The following MPP7 variants were observed in gnomAD, a reference collection of about 807,000 sequenced individuals.
MPP7 encodes MAGUK p55 scaffold protein 7.
MPP7 carries 60 observed loss-of-function variants against 76.5 expected under a neutral mutation model. That is an observed-to-expected ratio of 0.78 (90% confidence interval 0.64 to 0.97). The LOEUF (loss-of-function observed/expected upper bound fraction) is 0.97, where lower values mean the gene tolerates loss of function less well. Among genes scored for constraint, MPP7 ranks in the 50% least tolerant of loss-of-function variants. The pLI is 0.00. For missense variants in MPP7, 641 were observed against 694.0 expected, an observed-to-expected ratio of 0.92 and a Z score of 0.86; for synonymous variants, 237 against 244.5, an observed-to-expected ratio of 0.97 and a Z score of 0.29.
intron 12 of MPP7, among the ~76,000 whole-genome samples, chr10:28,071,058 G>A (rs1026828134): frequency 2.0e-5 from 3 of 152,138 alleles, no homozygotes; most frequent in African/African-American, 7.2e-5. Context: ...GCAAAGCCAG[G>A]GGCGTAATTA....
At chr10:28,142,889 A>G (rs1478280227) in intron 5 of MPP7, among the ~76,000 whole-genome samples, 1 of 152,200 alleles carries the variant, frequency 6.6e-6, no homozygotes, top group Non-Finnish European at 1.5e-5. Flanking sequence ...AAACTGTAAA[A>G]TGTACAAACA....
intron 1 of MPP7, among the ~76,000 whole-genome samples, chr10:28,284,996 T>C (rs2133109901): frequency 6.6e-6 from 1 of 152,344 alleles, no homozygotes; most frequent in Admixed American, 6.5e-5. Context: ...TTTCTATTAA[T>C]AGTTTCCTTT....
At chr10:28,244,633 A>T (rs1217577893) in intron 1 of MPP7, among the ~76,000 whole-genome samples, 1 of 152,228 alleles carries the variant, frequency 6.6e-6, no homozygotes, top group Non-Finnish European at 1.5e-5. Flanking sequence ...AGCAACAGAA[A>T]AGAAGAATCC....
At chr10:28,088,920 G>A (rs1853150848) in intron 12 of MPP7, among the ~76,000 whole-genome samples, 1 of 152,128 alleles carries the variant, frequency 6.6e-6, no homozygotes, top group African/African-American at 2.4e-5. Flanking sequence ...CTGTCACCCA[G>A]GCTGGAGTGC....
At chr10:28,076,253 T>C (rs1240350909) in intron 12 of MPP7, among the ~76,000 whole-genome samples, 1 of 152,142 alleles carries the variant, frequency 6.6e-6, no homozygotes, top group Non-Finnish European at 1.5e-5. Context: ...CCATTGTGAA[T>C]GTATTCACAT....
chr10:28,085,848 G>A (rs767544313), intron 12 of MPP7, among the ~76,000 whole-genome samples: 5 of 152,076 alleles, frequency 3.3e-5, no homozygotes, highest in Non-Finnish European at 7.4e-5. Context: ...GGATTCTGCT[G>A]GGAATTAAAA....
At chr10:28,211,483 T>C (rs10826424) in intron 2 of MPP7, among the ~76,000 whole-genome samples, 27,224 of 151,806 alleles carry the variant, frequency 0.18, 3,035 homozygotes, top group East Asian at 0.56. Flanking sequence ...AGAGAATTAC[T>C]GTAAAACTAA....
chr10:28,239,334 C>T (rs907686279), intron 1 of MPP7, among the ~76,000 whole-genome samples: 34 of 151,026 alleles, frequency 2.3e-4, no homozygotes, highest in Admixed American at 1.8e-3. Flanking sequence ...TTAATAGAGA[C>T]GGGGGTTTCA....
chr10:28,302,070 T>G (rs570633557), intron 1 of MPP7, among the ~76,000 whole-genome samples: 66 of 152,258 alleles, frequency 4.3e-4, no homozygotes, highest in African/African-American at 1.5e-3. Flanking sequence ...TTTTTAAATG[T>G]GAATATTGCT....
At chr10:28,085,516 G>A (rs1478629704) in intron 12 of MPP7, among the ~76,000 whole-genome samples, 2 of 152,136 alleles carry the variant, frequency 1.3e-5, no homozygotes, top group Non-Finnish European at 2.9e-5. Flanking sequence ...AACCTAAGAA[G>A]TTCAAACAGA....
At chr10:28,057,870 T>C in intron 15 of MPP7, 1 of 1,223,076 alleles carries the variant, frequency 8.2e-7, no homozygotes, top group Non-Finnish European at 1.0e-6. Context: ...AGGAAAATGC[T>C]GTGGGCTGGG....
At chr10:28,225,250 T>A (rs1160341409) in intron 2 of MPP7, among the ~76,000 whole-genome samples, 3 of 152,206 alleles carry the variant, frequency 2.0e-5, no homozygotes, top group Non-Finnish European at 4.4e-5. Flanking sequence ...TAAATTTTCA[T>A]GACCTTGTAT....
rs568353201 is a variant in MPP7, at chr10:28,227,431, T to G, written c.37+11137A>C. On this transcript the variant is annotated intron_variant, in intron 2 of 16. Transcript: ENST00000683449. ...CATCACCTAGGTATTAAGCCCCACA[T>G]GCATTAGCTACTTTTCCGGGTGCTC... 7.2e-5 allele frequency among the ~76,000 whole-genome samples: 11 copies of G among 152,306 alleles called. No homozygotes were observed. The South Asian group carries it at 2.1e-3, about 29-fold the overall frequency.
At chr10:28,261,056 G>C (rs958170609) in intron 1 of MPP7, among the ~76,000 whole-genome samples, 8 of 152,116 alleles carry the variant, frequency 5.3e-5, no homozygotes, top group Admixed American at 2.6e-4. Flanking sequence ...AGCCAGATGG[G>C]TCCCCAATTC....
intron 3 of MPP7, among the ~76,000 whole-genome samples, chr10:28,176,678 A>T (rs978700097): frequency 4.6e-5 from 7 of 152,120 alleles, no homozygotes; most frequent in Non-Finnish European, 1.0e-4. Context: ...CAAAGGTTGC[A>T]GTGAGCTGAG....
At chr10:28,296,962 G>A (rs1159630981) in intron 1 of MPP7, among the ~76,000 whole-genome samples, 1 of 151,754 alleles carries the variant, frequency 6.6e-6, no homozygotes, top group Non-Finnish European at 1.5e-5. Flanking sequence ...CAAAACACAA[G>A]ACATTAAAAA....
At chr10:28,117,952 G>A (rs1317849430) in intron 11 of MPP7, 6 of 215,876 alleles carry the variant, frequency 2.8e-5, no homozygotes, top group Non-Finnish European at 3.9e-5. Flanking sequence ...GAGAAAGAAA[G>A]AGAGGAGGAC....
At chr10:28,257,803 C>T (rs1375564954) in intron 1 of MPP7, among the ~76,000 whole-genome samples, 2 of 149,084 alleles carry the variant, frequency 1.3e-5, no homozygotes, top group South Asian at 4.3e-4. Context: ...TTTTTTATAA[C>T]AGGTTCTATG....
chr10:28,147,924 CA>C (rs2133764415), intron 4 of MPP7, among the ~76,000 whole-genome samples: 1 of 152,324 alleles, frequency 6.6e-6, no homozygotes, highest in East Asian at 1.9e-4. Context: ...TAACCTCCCC[CA>C]ACCCCCACAA....
Sources: allele counts gnomAD v4.1 joint callset (sites outside exome capture counted in the v4.1 genomes callset), GRCh38; gene constraint gnomAD v4.1.1; transcripts MANE v1.5; gene names NCBI Gene and HGNC (gene_info 2026-07-23, HGNC 2026-07-21).